LMBRD1: variants seen among roughly 807,000 people sequenced by gnomAD.
LMBRD1 encodes the protein LMBR1 domain containing 1.
LMBRD1 carries 64 observed loss-of-function variants against 74.8 expected under a neutral mutation model. The observed-to-expected ratio is 0.86, with a 90% CI of 0.70 to 1.05. The LOEUF is 1.05. LMBRD1 is among the 50% of genes least tolerant of loss of function. LMBRD1 has a pLI of 0.00. For synonymous variants in LMBRD1, 204 were observed against 216.3 expected, an observed-to-expected ratio of 0.94 and a Z score of 0.50; for missense variants, 652 against 645.9, an observed-to-expected ratio of 1.01 and a Z score of -0.10.
At chr6:69,789,986 C>G (rs748229902) in intron 2 of LMBRD1, among the ~76,000 whole-genome samples, 1 of 152,232 alleles carries the variant, frequency 6.6e-6, no homozygotes, top group Admixed American at 6.5e-5. Flanking sequence ...CTAACAAAAG[C>G]CCTTCTCAAT....
chr6:69,697,960 T>A (rs986399934), intron 13 of LMBRD1, among the ~76,000 whole-genome samples: 1 of 152,046 alleles, frequency 6.6e-6, no homozygotes, highest in South Asian at 2.1e-4. Context: ...GCAAAGAATA[T>A]CTTTTGTCCA....
chr6:69,717,751 G>A (rs2149855662), intron 8 of LMBRD1, among the ~76,000 whole-genome samples: 1 of 152,290 alleles, frequency 6.6e-6, no homozygotes, highest in South Asian at 2.1e-4. Context: ...AGGCTGGAGT[G>A]CAGCGGCACG....
At chr6:69,677,992 G>A (rs1765581413) in intron 14 of LMBRD1, among the ~76,000 whole-genome samples, 1 of 152,096 alleles carries the variant, frequency 6.6e-6, no homozygotes, top group Non-Finnish European at 1.5e-5. Flanking sequence ...TGGCAACACA[G>A]TACAGTTGAC....
chr6:69,715,824 T>C (rs1766476920), intron 8 of LMBRD1, among the ~76,000 whole-genome samples: 1 of 152,156 alleles, frequency 6.6e-6, no homozygotes, highest in Non-Finnish European at 1.5e-5. Flanking sequence ...CCTCTATGTG[T>C]CCATGTGTTC....
intron 7 of LMBRD1, among the ~76,000 whole-genome samples, chr6:69,727,252 G>A (rs1022317584): frequency 4.6e-5 from 7 of 152,160 alleles, no homozygotes; most frequent in Non-Finnish European, 1.0e-4. Flanking sequence ...AAGAGATACC[G>A]AATTTGCCAT....
chr6:69,719,200 A>G (rs1262124280), intron 7 of LMBRD1, 119 bp from the exon 8 acceptor site: 2 of 875,338 alleles, frequency 2.3e-6, no homozygotes, highest in African/African-American at 3.4e-5. Flanking sequence ...GAGTACAGTC[A>G]CTGAAAACAT....
At chr6:69,761,617 TCGATA>T (rs1765374906) in intron 3 of LMBRD1, among the ~76,000 whole-genome samples, 1 of 152,206 alleles carries the variant, frequency 6.6e-6, no homozygotes, top group South Asian at 2.1e-4. Context: ...ATTAGCTGAT[TCGATA>T]CTTTTCCCAA....
intron 3 of LMBRD1, among the ~76,000 whole-genome samples, chr6:69,776,386 G>C (rs1356142973): frequency 6.6e-6 from 1 of 152,166 alleles, no homozygotes; most frequent in East Asian, 1.9e-4. Context: ...TGGAAAACTA[G>C]CATCTAAACT....
At chr6:69,699,455 T>C (rs1010379803) in intron 12 of LMBRD1, among the ~76,000 whole-genome samples, 1 of 151,848 alleles carries the variant, frequency 6.6e-6, no homozygotes, top group Non-Finnish European at 1.5e-5. Flanking sequence ...TCTAGTTCTA[T>C]CTAAAGATTA....
chr6:69,736,366 A>G (rs978631330), intron 7 of LMBRD1, among the ~76,000 whole-genome samples: 1 of 152,126 alleles, frequency 6.6e-6, no homozygotes, highest in Non-Finnish European at 1.5e-5. Flanking sequence ...CCTCTTCTAC[A>G]ATACACTCTA....
intron 1 of LMBRD1, among the ~76,000 whole-genome samples, chr6:69,792,006 A>C (rs897764701): frequency 6.6e-6 from 1 of 152,234 alleles, no homozygotes; most frequent in Non-Finnish European, 1.5e-5. Flanking sequence ...CACACCTACC[A>C]GCACCATGGC....
Position 69,677,071 on chromosome 6 carries a change from T to C in LMBRD1, c.1418-530A>G, listed in dbSNP as rs539265870. 1.6e-4 allele frequency among the ~76,000 whole-genome samples: 24 copies of C among 152,200 alleles called. 1 individual carries two copies. The highest frequency in any genetic ancestry group is 1.5e-3 in the Admixed American group (23 of 15,280). On this transcript the variant is annotated intron_variant, in intron 14 of 15. Coordinates refer to ENST00000649934, the MANE Select transcript of LMBRD1 (RefSeq NM_018368.4). ...AGCATAACAAATTTATTTAGTCAGT[T>C]TTACATGACACAGGAGGCTTCAGAA...
At chr6:69,780,110 G>A (rs1765796762) in intron 3 of LMBRD1, among the ~76,000 whole-genome samples, 1 of 148,152 alleles carries the variant, frequency 6.7e-6, no homozygotes, top group South Asian at 2.1e-4. Context: ...GGCTAGGTGG[G>A]AGGGTCCTTT....
At chr6:69,690,156 A>G (rs1401299181) in intron 14 of LMBRD1, among the ~76,000 whole-genome samples, 1 of 151,114 alleles carries the variant, frequency 6.6e-6, no homozygotes, top group Non-Finnish European at 1.5e-5. Context: ...ATCTGTGTTG[A>G]TAATTCTAAC....
intron 3 of LMBRD1, among the ~76,000 whole-genome samples, chr6:69,778,915 C>T (rs952162784): frequency 7.9e-5 from 12 of 152,196 alleles, no homozygotes; most frequent in Admixed American, 5.9e-4. Flanking sequence ...GGGCAGGGCA[C>T]GGTGCCTCAC....
chr6:69,793,773 TA>T (rs1468938325), intron 1 of LMBRD1, among the ~76,000 whole-genome samples: 2 of 138,876 alleles, frequency 1.4e-5, no homozygotes, highest in East Asian at 4.7e-4. Context: ...GCCCAGGCAC[TA>T]TCAGAGCTTG....
chr6:69,794,574 G>A (rs1382484305), intron 1 of LMBRD1, among the ~76,000 whole-genome samples: 1 of 152,160 alleles, frequency 6.6e-6, no homozygotes, highest in Non-Finnish European at 1.5e-5. Context: ...AATGAACAAA[G>A]GGAATCTATC....
chr6:69,723,385 A>T (rs1766659904), intron 7 of LMBRD1, among the ~76,000 whole-genome samples: 2 of 152,186 alleles, frequency 1.3e-5, no homozygotes, highest in Admixed American at 1.3e-4. Flanking sequence ...TCCTTAGCAC[A>T]TGGATCATTC....
chr6:69,778,340 A>C (rs1050201451), intron 3 of LMBRD1, among the ~76,000 whole-genome samples: 1 of 152,256 alleles, frequency 6.6e-6, no homozygotes, highest in Admixed American at 6.5e-5. Flanking sequence ...CTAAGGGCAC[A>C]TTATCCTTGA....
Sources: allele counts gnomAD v4.1 joint callset (sites outside exome capture counted in the v4.1 genomes callset), GRCh38; gene constraint gnomAD v4.1.1; transcripts MANE v1.5; gene names NCBI Gene and HGNC (gene_info 2026-07-23, HGNC 2026-07-21).